SLC2A2: variants seen among roughly 807,000 people sequenced by gnomAD.
SLC2A2 encodes solute carrier family 2, facilitated glucose transporter member 2.
SLC2A2 carries 36 observed loss-of-function variants against 54.5 expected under a neutral mutation model. The observed-to-expected ratio is 0.66, with a 90% CI of 0.51 to 0.87. SLC2A2 has a LOEUF of 0.87. Among genes scored for constraint, SLC2A2 ranks in the 40% least tolerant of loss-of-function variants. The pLI, the probability that SLC2A2 is intolerant of heterozygous loss-of-function variation, is 0.00. For missense variants in SLC2A2, 543 were observed against 624.3 expected, an observed-to-expected ratio of 0.87 and a Z score of 1.39; for synonymous variants, 223 against 219.1, an observed-to-expected ratio of 1.02 and a Z score of -0.16.
At chr3:170,999,523 T>C (rs1281065297) in intron 8 of SLC2A2, among the ~76,000 whole-genome samples, 1 of 152,126 alleles carries the variant, frequency 6.6e-6, no homozygotes, top group Non-Finnish European at 1.5e-5. Context: ...AGATGTCCTG[T>C]ACATTTAAAA....
intron 9 of SLC2A2, among the ~76,000 whole-genome samples, chr3:170,998,756 C>T (rs1276464443): frequency 2.6e-5 from 4 of 152,122 alleles, no homozygotes; most frequent in African/African-American, 9.7e-5. Flanking sequence ...CAAGGTCACA[C>T]AGGAAGCCAT....
In SLC2A2 at chr3:170,999,183, G is replaced by T. The variant is rs763892284; in HGVS notation, c.1069-17C>A. The stretch of plus-strand genomic sequence containing the variant: ...AAGGAATACCTAGGACAATTTTAAA[G>T]AAATTATCTCAGTTTTGTGAGTCAC... On this transcript the variant is annotated splice_polypyrimidine_tract_variant and intron_variant, in intron 8 of 10. Transcript: ENST00000314251. 4 of 1,510,538 alleles carry T rather than the reference G, an allele frequency of 2.6e-6. No homozygotes were observed. Among genetic ancestry groups the T allele is most frequent in the South Asian group, 2.2e-5 (2 of 88,972 alleles). 93.6% of individuals were successfully genotyped at this position (1,510,538 alleles called of 1,614,324 possible).
At chr3:171,022,861 A>G (rs1165986224) in intron 1 of SLC2A2, among the ~76,000 whole-genome samples, 2 of 152,230 alleles carry the variant, frequency 1.3e-5, no homozygotes, top group African/African-American at 4.8e-5. Flanking sequence ...CACCCCTGTC[A>G]CTTTACATAC....
chr3:171,019,129 G>GTATATATA lies in SLC2A2; in HGVS notation c.16-514_16-507dup, dbSNP rs200539659. Reference sequence around the variant, plus strand: ...TATATATATATATATATATACGTATGTATATATATATATATATATATATAT... The same window carrying GTATATATA: ...TATATATATATATATATATACGTATGTATATATATATATATATATATATATATATATAT... On this transcript the variant is annotated intron_variant, in intron 1 of 10. Transcript: ENST00000314251. Among the ~76,000 whole-genome samples the GTATATATA allele has an allele frequency of 1.7e-3, 42 of 25,038 alleles. 1 individual carries two copies. Among genetic ancestry groups the GTATATATA allele is most frequent in the South Asian group, 9.1e-3 (7 of 766 alleles). The allele number at this position is 25,038 out of a possible 152,430, so 16.4% of individuals were successfully genotyped here.
chr3:171,020,322 C>G (rs1716394944), intron 1 of SLC2A2, among the ~76,000 whole-genome samples: 1 of 152,102 alleles, frequency 6.6e-6, no homozygotes, highest in African/African-American at 2.4e-5. Context: ...ACTTGGAGAG[C>G]CTGTTACACA....
intron 7 of SLC2A2, among the ~76,000 whole-genome samples, chr3:171,004,643 G>A (rs1312030168): frequency 1.3e-5 from 2 of 151,202 alleles, no homozygotes; most frequent in East Asian, 3.9e-4. Context: ...TTTTCCTCTA[G>A]TAGTCAATTG....
chr3:171,014,397 T>A (rs1716028801), intron 3 of SLC2A2, 72 bp downstream of exon 3: 1 of 1,513,392 alleles, frequency 6.6e-7, no homozygotes, highest in South Asian at 1.1e-5. Context: ...AAGATAATAT[T>A]TTTCTAAACA....
At chr3:171,002,547 CAGAGT>C (rs781226712) in intron 8 of SLC2A2, 24 bp downstream of exon 8, 3 of 1,412,188 alleles carry the variant, frequency 2.1e-6, no homozygotes, top group Non-Finnish European at 3.0e-6. Flanking sequence ...AAGGAACAAG[CAGAGT>C]ATTTATCTAG....
intron 9 of SLC2A2, 103 bp from the exon 10 acceptor site, chr3:170,998,499 A>C: frequency 1.2e-6 from 1 of 860,990 alleles, no homozygotes; most frequent in East Asian, 2.6e-5. Flanking sequence ...AACTTTTTCT[A>C]ATGTATTTTG....
At chr3:171,002,723 G>A (rs1715397192) in intron 7 of SLC2A2, 43 bp from the exon 8 acceptor site, 11 of 1,073,246 alleles carry the variant, frequency 1.0e-5, no homozygotes, top group Non-Finnish European at 1.6e-5. Context: ...AAGAAGTCTG[G>A]CACTGATATC....
intron 9 of SLC2A2, 82 bp from the exon 10 acceptor site, chr3:170,998,478 A>G: frequency 9.5e-7 from 1 of 1,055,120 alleles, no homozygotes; most frequent in Non-Finnish European, 1.5e-6. Flanking sequence ...CTGAGTTCAC[A>G]GGCGGCATAC....
chr3:171,014,819 T>A (rs1716064053), intron 2 of SLC2A2, 88 bp from the exon 3 acceptor site: 2 of 996,456 alleles, frequency 2.0e-6, no homozygotes, highest in African/African-American at 1.6e-5. Flanking sequence ...CGTGTTTAAA[T>A]AGTACCATCT....
At position 171,001,601 on chromosome 3, in the gene SLC2A2, A is replaced by G. The variant is rs181521218; in HGVS notation, c.1068+975T>C. ...CAAGTGACTAAATTATATTGAGTAT[A>G]GTATTGTGACTAAAATTGAAAAGAA... is the stretch of plus-strand genomic sequence containing the variant. On this transcript the variant is annotated intron_variant, in intron 8 of 10. Transcript: ENST00000314251. Among the ~76,000 whole-genome samples the G allele has an allele frequency of 3.2e-4, 48 of 152,204 alleles. 1 individual carries two copies. The highest frequency in any genetic ancestry group is 5.9e-4 in the Admixed American group (9 of 15,262).
chr3:171,006,572 A>G (rs1323660876), intron 5 of SLC2A2, among the ~76,000 whole-genome samples: 1 of 152,010 alleles, frequency 6.6e-6, no homozygotes, highest in East Asian at 1.9e-4. Context: ...TATAGATAGA[A>G]CAATTACTGT....
At position 171,005,426 on chromosome 3, in the gene SLC2A2, A is replaced by G. The variant is rs375047825; in HGVS notation, c.822T>C (p.Asn274=). 5 of 1,612,552 alleles carry G rather than the reference A, an allele frequency of 3.1e-6. No individual in the cohort carries two copies. The highest frequency in any genetic ancestry group is 4.2e-6 in the Non-Finnish European group (5 of 1,179,188). ...RGYDDVTKDI[N]EMRKEREEAS... The stretch of plus-strand genomic sequence containing the variant: ...CTTCTTCTCTTTCTTTTCTCATTTC[A>G]TTAATATCTTTGGTGACATCATCAT... Residue 274 remains asparagine (N), a synonymous_variant, in exon 7 of 11, where the codon AAT becomes AAC. Coordinates refer to ENST00000314251, the MANE Select transcript of SLC2A2 (RefSeq NM_000340.2).
chr3:171,006,641 T>C (rs896714861), intron 5 of SLC2A2, among the ~76,000 whole-genome samples: 2 of 151,998 alleles, frequency 1.3e-5, no homozygotes, highest in Non-Finnish European at 2.9e-5. Flanking sequence ...CTCTGGATTG[T>C]CGTAGGTGTG....
At chr3:171,022,057 C>T (rs2108265662) in intron 1 of SLC2A2, among the ~76,000 whole-genome samples, 1 of 152,282 alleles carries the variant, frequency 6.6e-6, no homozygotes, top group South Asian at 2.1e-4. Context: ...GCAAGATATT[C>T]CCAGGTTCTG....
chr3:171,014,772 C>G (rs758400696), intron 2 of SLC2A2, 41 bp from the exon 3 acceptor site: 15 of 1,557,946 alleles, frequency 9.6e-6, no homozygotes, highest in East Asian at 2.2e-5. Flanking sequence ...TTCAAACATT[C>G]TATGTATTTT....
intron 3 of SLC2A2, 50 bp from the exon 4 acceptor site, chr3:171,010,132 A>G (rs1715816922): frequency 6.3e-7 from 1 of 1,583,312 alleles, no homozygotes; most frequent in Admixed American, 1.7e-5. Flanking sequence ...AAACTTGCTA[A>G]AATTATTCGC....
Sources: gnomAD v4.1 joint callset for allele counts (sites outside exome capture counted in the v4.1 genomes callset) on GRCh38, gnomAD v4.1.1 for gene constraint, MANE v1.5 for transcripts, NCBI Gene and HGNC (gene_info 2026-07-23, HGNC 2026-07-21) for gene names.